MLXIP: variants seen among roughly 807,000 people sequenced by gnomAD.
MLXIP encodes the protein MLX-interacting protein.
A neutral mutation model predicts 87.2 loss-of-function variants in MLXIP; 30 were observed. That is an observed-to-expected ratio of 0.34 (90% CI 0.26 to 0.47). The LOEUF is 0.47. Among genes scored for constraint, MLXIP ranks in the 20% least tolerant of loss-of-function variants. The probability of loss-of-function intolerance (pLI) is 1.00; values close to 1 mark genes in which losing one functional copy is unlikely to be tolerated. For synonymous variants in MLXIP, 530 were observed against 514.0 expected (o/e 1.03, Z -0.42); for missense variants, 1,002 against 1,240.1 (o/e 0.81, Z 2.88).
At chr12:122,079,804 C>T (rs533835855) in intron 1 of MLXIP, among the ~76,000 whole-genome samples, 1 of 152,332 alleles carries the variant, frequency 6.6e-6, no homozygotes, top group South Asian at 2.1e-4. Flanking sequence ...TATTCCAGTG[C>T]TTGGCCAGAG....
At position 122,145,856 on chromosome 12, in the gene MLXIP, G is replaced by A. The variant is rs370986323; in HGVS notation, c.*4044G>A. ...CTCTTTTCCTTACCCTGGCTCTGACGTGGGAAGGCTTGGAGGGCCCGTCTC... is the reference window on the plus strand; with the variant it reads ...CTCTTTTCCTTACCCTGGCTCTGACATGGGAAGGCTTGGAGGGCCCGTCTC... On this transcript the variant is annotated 3_prime_UTR_variant, in exon 17 of 17. Coordinates refer to ENST00000319080, the MANE Select transcript of MLXIP (RefSeq NM_014938.6). 2.5e-4 allele frequency: 38 copies of A among 152,390 alleles called. No individual in the cohort carries two copies. Among genetic ancestry groups the A allele is most frequent in the African/African-American group, 8.2e-4 (34 of 41,550 alleles). 9.4% of individuals were successfully genotyped at this position (152,390 alleles called of 1,614,324 possible).
At chr12:122,140,662 C>T (rs528295203) in intron 15 of MLXIP, among the ~76,000 whole-genome samples, 225 of 152,248 alleles carry the variant, frequency 1.5e-3, no homozygotes, top group African/African-American at 5.1e-3. Flanking sequence ...CGATTTTGAT[C>T]GCATGTTTGT....
chr12:122,130,948 C>T lies in MLXIP; in HGVS notation c.1000+15C>T, dbSNP rs1005911334. 5.7e-6 allele frequency: 9 copies of T among 1,581,468 alleles called. No individual in the cohort carries two copies. In the African/African-American group the frequency reaches 1.1e-4, roughly 19 times the overall value. Reference sequence around the variant, plus strand: ...GCCTTTCCAGGGTGAGGACCAGAGGCAGAGAGAGCACGGTTGCCTCCATCT... The same window carrying T: ...GCCTTTCCAGGGTGAGGACCAGAGGTAGAGAGAGCACGGTTGCCTCCATCT... On this transcript the variant is annotated intron_variant, in intron 7 of 16. Coordinates refer to ENST00000319080, the MANE Select transcript of MLXIP (RefSeq NM_014938.6).
chr12:122,084,392 G>T (rs1952136620), intron 1 of MLXIP, among the ~76,000 whole-genome samples: 1 of 152,214 alleles, frequency 6.6e-6, no homozygotes, highest in African/African-American at 2.4e-5. Flanking sequence ...GCTGGAAGGG[G>T]AGGAAGGAGA....
intron 1 of MLXIP, among the ~76,000 whole-genome samples, chr12:122,097,784 C>T (rs1276948455): frequency 6.6e-6 from 1 of 152,132 alleles, no homozygotes; most frequent in Non-Finnish European, 1.5e-5. Context: ...CCTACTCTCC[C>T]AGGCTGCTCC....
At chr12:122,109,226 G>A (rs536417862) in intron 1 of MLXIP, among the ~76,000 whole-genome samples, 3 of 151,758 alleles carry the variant, frequency 2.0e-5, no homozygotes, top group African/African-American at 4.8e-5. Context: ...GAGCCACCAC[G>A]CCCAGCTAAT....
intron 1 of MLXIP, among the ~76,000 whole-genome samples, chr12:122,106,460 G>A (rs1221955147): frequency 6.6e-6 from 1 of 152,176 alleles, no homozygotes; most frequent in Non-Finnish European, 1.5e-5. Flanking sequence ...TGTTGTCACT[G>A]TCTGTGCAGA....
At chr12:122,109,765 G>T (rs960348818) in intron 1 of MLXIP, among the ~76,000 whole-genome samples, 15 of 152,248 alleles carry the variant, frequency 9.9e-5, no homozygotes, top group African/African-American at 3.6e-4. Context: ...GCAAAGGAGA[G>T]ATTTAGGTTG....
chr12:122,123,393 G>C (rs569156552), intron 1 of MLXIP, among the ~76,000 whole-genome samples: 112 of 152,296 alleles, frequency 7.4e-4, no homozygotes, highest in African/African-American at 2.6e-3. Flanking sequence ...GTTGGTCATA[G>C]AGATATTACC....
Position 122,142,052 on chromosome 12 carries a change from C to T in MLXIP, c.*240C>T, listed in dbSNP as rs1031927310. 1 of 669,960 alleles carries T rather than the reference C, an allele frequency of 1.5e-6. No homozygotes were observed. The highest frequency in any genetic ancestry group is 1.8e-5 in the African/African-American group (1 of 56,432). 41.5% of individuals were successfully genotyped at this position (669,960 alleles called of 1,614,324 possible). Reference sequence around the variant, plus strand: ...AACTCTCTCACTCAGTGACCTCAGTCACCAACCTCCTCTGCCCTCGGGGCA... The same window carrying T: ...AACTCTCTCACTCAGTGACCTCAGTTACCAACCTCCTCTGCCCTCGGGGCA... On this transcript the variant is annotated 3_prime_UTR_variant, in exon 17 of 17. Coordinates refer to ENST00000319080, the MANE Select transcript of MLXIP (RefSeq NM_014938.6).
intron 1 of MLXIP, among the ~76,000 whole-genome samples, chr12:122,107,325 T>C (rs1952536997): frequency 6.6e-6 from 1 of 152,034 alleles, no homozygotes; most frequent in African/African-American, 2.4e-5. Flanking sequence ...GCATTTGCAT[T>C]TTCCTGGATG....
intron 6 of MLXIP, 118 bp downstream of exon 6, chr12:122,130,230 G>T (rs1952953707): frequency 9.3e-7 from 1 of 1,072,876 alleles, no homozygotes; most frequent in Non-Finnish European, 1.3e-6. Flanking sequence ...CACGGTTGGG[G>T]GCAGGCAGTA....
At chr12:122,128,802 T>G in intron 3 of MLXIP, 4 of 240,078 alleles carry the variant, frequency 1.7e-5, no homozygotes, top group Middle Eastern at 1.4e-3. Flanking sequence ...GAAGGGGCAT[T>G]TATGGGGGGG....
chr12:122,133,819 G>A lies in MLXIP; in HGVS notation c.1564G>A (p.Gly522Arg). 1 of 1,613,056 alleles carries A rather than the reference G, an allele frequency of 6.2e-7. No individual in the cohort carries two copies. Among genetic ancestry groups the A allele is most frequent in the Non-Finnish European group, 8.5e-7 (1 of 1,179,664 alleles). Reference sequence around the variant, plus strand: ...CCCTGCCCCGTCAGCGGCCCCTTGTGGGCTGGCACTGTCTCCTGTCACCCG... The same window carrying A: ...CCCTGCCCCGTCAGCGGCCCCTTGTAGGCTGGCACTGTCTCCTGTCACCCG... ...HHPAPSAAPC[G>R]LALSPVTRPP... The change falls in exon 9 of 17, where the codon GGG becomes AGG. Residue 522 changes from glycine to arginine, a missense_variant. Gly to Arg is a moderately radical substitution (Grantham distance 125). Around this residue, in one of 3 missense-constraint regions of MLXIP, gnomAD observed 746 missense variants for 897.0 expected, o/e 0.83. Coordinates refer to ENST00000319080, the MANE Select transcript of MLXIP (RefSeq NM_014938.6). This position sits in a 1 kb window ranked among gnomAD's most constrained non-coding sequence, Gnocchi z 4.9.
rs1361347269 is a variant in MLXIP, at chr12:122,138,470, A to G, written c.2303A>G (p.Lys768Arg). 6.2e-7 allele frequency: 1 copy of G among 1,613,922 alleles called. No homozygotes were observed. Among genetic ancestry groups the G allele is most frequent in the Non-Finnish European group, 8.5e-7 (1 of 1,179,872 alleles). Reference protein sequence around the residue: ...TLQKTVEYITKLQQERGQMQE... With the variant: ...TLQKTVEYITRLQQERGQMQE... ...CAGAAGACTGTGGAGTACATCACCA[A>G]GCTGCAGCAGGAGAGAGGCCAGATG... The change falls in exon 14 of 17, where the codon AAG becomes AGG. Residue 768 changes from lysine to arginine, a missense_variant. Coordinates refer to ENST00000319080, the MANE Select transcript of MLXIP (RefSeq NM_014938.6).
intron 1 of MLXIP, among the ~76,000 whole-genome samples, chr12:122,123,668 C>T (rs542014300): frequency 6.6e-6 from 1 of 152,260 alleles, no homozygotes; most frequent in East Asian, 1.9e-4. Context: ...TGCTGTACCC[C>T]CTGCCTTCAG....
rs560967389 is a variant in MLXIP at position 122,135,547 on chromosome 12, C to T, written c.1913C>T (p.Thr638Met). ...CTGGTGACAGATCTCGGCCATGGCA[C>T]GAGCAGCCCGCCTGCCCCCGTCTCC... ...SILVTDLGHG[T>M]SSPPAPVSRL... Residue 638 changes from threonine (T) to methionine (M), a missense_variant, in exon 11 of 17, where the codon ACG becomes ATG. Physicochemically the swap from Thr to Met is moderately conservative, Grantham distance 81. This residue lies in a region of MLXIP where 746 missense variants were observed against 897.0 expected (regional missense o/e 0.83). Coordinates refer to ENST00000319080, the MANE Select transcript of MLXIP (RefSeq NM_014938.6). This position sits in a 1 kb window ranked among gnomAD's most constrained non-coding sequence, Gnocchi z 5.3. 4.9e-5 allele frequency: 78 copies of T among 1,605,428 alleles called. No homozygotes were observed. In the East Asian group the frequency reaches 7.7e-4, roughly 16 times the overall value.
At chr12:122,139,615 A>G (rs760123934) in intron 15 of MLXIP, among the ~76,000 whole-genome samples, 14 of 152,186 alleles carry the variant, frequency 9.2e-5, no homozygotes, top group Non-Finnish European at 1.5e-4. Context: ...AGCTGCAGCT[A>G]TCGGGCAGGG....
At chr12:122,140,007 G>A (rs952500041) in intron 15 of MLXIP, among the ~76,000 whole-genome samples, 3 of 152,062 alleles carry the variant, frequency 2.0e-5, no homozygotes, top group East Asian at 1.9e-4. Flanking sequence ...GAGATGACAG[G>A]CACCAGCTCT....
Sources: gnomAD v4.1 joint callset for allele counts (sites outside exome capture counted in the v4.1 genomes callset) on GRCh38, gnomAD v4.1.1 for gene constraint, gnomAD v4.1.1 regional missense constraint, Gnocchi (gnomAD v3.1) non-coding constraint, MANE v1.5 for transcripts, NCBI Gene and HGNC (gene_info 2026-07-23, HGNC 2026-07-21) for gene names.